C4BPA: variants seen among roughly 807,000 people sequenced by gnomAD.
C4BPA encodes the protein C4b-binding protein alpha chain.
In C4BPA, 31 loss-of-function variants were observed where a neutral mutation model predicts 63.7. The ratio of observed to expected loss-of-function variants is 0.49; its 90% CI spans 0.37 to 0.66. C4BPA has a LOEUF of 0.66. Among genes scored for constraint, C4BPA ranks in the 30% least tolerant of loss-of-function variants. The probability of loss-of-function intolerance (pLI) is 0.00; values close to 1 mark genes in which losing one functional copy is unlikely to be tolerated. For synonymous variants in C4BPA, 259 were observed against 254.7 expected, an observed-to-expected ratio of 1.02 and a Z score of -0.16; for missense variants, 572 against 723.3, an observed-to-expected ratio of 0.79 and a Z score of 2.40.
At chr1:207,138,814 T>C (rs777146040) in intron 9 of C4BPA, among the ~76,000 whole-genome samples, 3 of 152,206 alleles carry the variant, frequency 2.0e-5, no homozygotes, top group Non-Finnish European at 4.4e-5. Context: ...GATGTGCAAT[T>C]TGCAATAATT....
At chr1:207,107,905 A>C (rs1025690739) in intron 1 of C4BPA, among the ~76,000 whole-genome samples, 1 of 152,188 alleles carries the variant, frequency 6.6e-6, no homozygotes, top group African/African-American at 2.4e-5. Context: ...GACTCTGAAT[A>C]GTGCAAGGAG....
chr1:207,108,033 A>C (rs1186475132), intron 1 of C4BPA, among the ~76,000 whole-genome samples: 2 of 152,222 alleles, frequency 1.3e-5, no homozygotes, highest in African/African-American at 4.8e-5. Flanking sequence ...AACATAGTGA[A>C]TTTAGTTTGA....
rs950393470 is a variant in C4BPA, at chr1:207,126,739, T to G, written c.733T>G (p.Ser245Ala). 9 of 1,609,850 alleles carry G rather than the reference T, an allele frequency of 5.6e-6. No homozygotes were observed. The highest frequency in any genetic ancestry group is 2.5e-6 in the Non-Finnish European group (3 of 1,177,746). Reference protein sequence around the residue: ...EKITCRKPDVSHGEMVSGFGP... With the variant: ...EKITCRKPDVAHGEMVSGFGP... ...AATCACCTGTCGCAAGCCAGATGTT[T>G]CACATGGGGAAATGGTCTCTGGATT... Residue 245 changes from serine to alanine, a missense_variant, in exon 7 of 12, where the codon TCA becomes GCA. Physicochemically the swap from Ser to Ala is moderately conservative, Grantham distance 99 (BLOSUM62 1). This residue lies in a region of C4BPA where 465 missense variants were observed against 629.4 expected (regional missense o/e 0.74). Transcript: ENST00000367070.
chr1:207,143,396 G>A (rs954685920), intron 10 of C4BPA, among the ~76,000 whole-genome samples: 5 of 152,132 alleles, frequency 3.3e-5, no homozygotes, highest in African/African-American at 4.8e-5. Context: ...ATGATGGGTT[G>A]ATGGGTGCAG....
At chr1:207,122,831 C>T (rs1684947742) in intron 4 of C4BPA, among the ~76,000 whole-genome samples, 1 of 152,188 alleles carries the variant, frequency 6.6e-6, no homozygotes, top group African/African-American at 2.4e-5. Context: ...GCCTCAGCGT[C>T]CCAAAGTACT....
chr1:207,110,148 G>A (rs561424684), intron 1 of C4BPA, among the ~76,000 whole-genome samples: 9 of 152,356 alleles, frequency 5.9e-5, no homozygotes, highest in African/African-American at 2.2e-4. Context: ...GTGAGTTACA[G>A]ACCAAGTCCG....
At chr1:207,108,162 T>C (rs1466078289) in intron 1 of C4BPA, among the ~76,000 whole-genome samples, 1 of 152,174 alleles carries the variant, frequency 6.6e-6, no homozygotes, top group Non-Finnish European at 1.5e-5. Flanking sequence ...AAATGAGAAA[T>C]CTAACAGAGT....
intron 3 of C4BPA, 74 bp from the exon 4 acceptor site, chr1:207,115,342 A>G: frequency 1.3e-6 from 1 of 771,904 alleles, no homozygotes; most frequent in Non-Finnish European, 2.1e-6. Flanking sequence ...AACCTTGGTT[A>G]ATTTCTTTTC....
At chr1:207,116,110 C>T (rs923710178) in intron 4 of C4BPA, among the ~76,000 whole-genome samples, 2 of 152,220 alleles carry the variant, frequency 1.3e-5, no homozygotes, top group African/African-American at 2.4e-5. Flanking sequence ...TGTCAGACTG[C>T]TTTCCCTAAG....
intron 10 of C4BPA, among the ~76,000 whole-genome samples, chr1:207,142,230 C>T (rs1685433701): frequency 6.6e-6 from 1 of 152,168 alleles, no homozygotes; most frequent in African/African-American, 2.4e-5. Context: ...TCATCCATGT[C>T]CCTGCAAAGG....
chr1:207,121,266 C>A (rs938382976), intron 4 of C4BPA, among the ~76,000 whole-genome samples: 4 of 151,782 alleles, frequency 2.6e-5, no homozygotes, highest in Non-Finnish European at 5.9e-5. Context: ...GATTATTTTT[C>A]TTGTCTCATA....
At chr1:207,106,452 T>TG (rs1328655895) in intron 1 of C4BPA, among the ~76,000 whole-genome samples, 5 of 134,786 alleles carry the variant, frequency 3.7e-5, no homozygotes, top group African/African-American at 1.5e-4. Context: ...TTTTTTTTTT[T>TG]TTTTTGAAAC....
chr1:207,112,928 A>T (rs1684699160), intron 1 of C4BPA, 73 bp from the exon 2 acceptor site: 2 of 1,366,268 alleles, frequency 1.5e-6, no homozygotes, highest in South Asian at 3.1e-5. Flanking sequence ...CATGGATCCC[A>T]TAACATTTAT....
intron 4 of C4BPA, among the ~76,000 whole-genome samples, chr1:207,115,768 C>T (rs567975119): frequency 6.6e-6 from 1 of 152,240 alleles, no homozygotes; most frequent in Non-Finnish European, 1.5e-5. Context: ...TATTTTCCCC[C>T]CTTTCCTCTA....
chr1:207,132,425 C>A (rs939054254), intron 8 of C4BPA, among the ~76,000 whole-genome samples: 1 of 152,170 alleles, frequency 6.6e-6, no homozygotes, highest in Non-Finnish European at 1.5e-5. Flanking sequence ...CAGAACCTTG[C>A]CACTTTAGAG....
intron 4 of C4BPA, among the ~76,000 whole-genome samples, chr1:207,121,715 T>C (rs542773451): frequency 8.5e-5 from 13 of 152,238 alleles, no homozygotes; most frequent in Admixed American, 7.8e-4. Context: ...TCAAAATTTG[T>C]TTCTAGTGGT....
At chr1:207,108,075 C>T (rs913600564) in intron 1 of C4BPA, among the ~76,000 whole-genome samples, 1 of 152,044 alleles carries the variant, frequency 6.6e-6, no homozygotes, top group Non-Finnish European at 1.5e-5. Flanking sequence ...CTGGGAGATA[C>T]AAATGAAGTG....
intron 9 of C4BPA, among the ~76,000 whole-genome samples, chr1:207,135,598 T>C (rs755771814): frequency 2.0e-5 from 3 of 152,186 alleles, no homozygotes; most frequent in Non-Finnish European, 4.4e-5. Context: ...GTAGGTCACT[T>C]AGACTGGTAG....
intron 4 of C4BPA, among the ~76,000 whole-genome samples, chr1:207,121,400 G>A (rs1028287093): frequency 6.6e-6 from 1 of 151,794 alleles, no homozygotes. Context: ...TAATAATCTT[G>A]GTTCTGATGT....
Sources: gnomAD v4.1 joint callset for allele counts (sites outside exome capture counted in the v4.1 genomes callset) on GRCh38, gnomAD v4.1.1 for gene constraint, gnomAD v4.1.1 regional missense constraint, MANE v1.5 for transcripts, NCBI Gene and HGNC (gene_info 2026-07-23, HGNC 2026-07-21) for gene names.